Variants in GDAP2 observed in about 807,000 individuals in gnomAD.
The protein encoded by GDAP2 is ganglioside induced differentiation associated protein 2.
GDAP2 carries 51 observed loss-of-function variants against 67.0 expected under a neutral mutation model. The observed-to-expected ratio is 0.76, with a 90% CI of 0.61 to 0.96. GDAP2 has a LOEUF of 0.96. Among genes scored for constraint, GDAP2 ranks in the 40% least tolerant of loss-of-function variants. GDAP2 has a pLI of 0.00. For missense variants in GDAP2, 547 were observed against 588.3 expected (o/e 0.93, Z 0.73); for synonymous variants, 203 against 207.3 (o/e 0.98, Z 0.18).
rs776273058 is a variant in GDAP2, at chr1:117,881,912, A to G, written c.1248-35T>C. Reference sequence around the variant, plus strand: ...AAATAAAATGACAAAAAAAATCAGTATAAGTTCATGCCTAAAACCAATTAC... The same window carrying G: ...AAATAAAATGACAAAAAAAATCAGTGTAAGTTCATGCCTAAAACCAATTAC... On this transcript the variant is annotated intron_variant, in intron 11 of 13. Coordinates refer to ENST00000369443, the MANE Select transcript of GDAP2 (RefSeq NM_017686.4). 30 of 1,194,510 alleles carry G rather than the reference A, an allele frequency of 2.5e-5. No homozygotes were observed. In the East Asian group the frequency reaches 2.6e-4, roughly 10 times the overall value. 74.0% of individuals were successfully genotyped at this position (1,194,510 alleles called of 1,614,324 possible). A position where few individuals can be genotyped will look rare whatever the true frequency, so the allele number is the denominator to read the frequency against.
chr1:117,884,813 CGTGTGTGT>C (rs35296112), intron 10 of GDAP2, among the ~76,000 whole-genome samples: 15 of 147,858 alleles, frequency 1.0e-4, no homozygotes, highest in African/African-American at 3.5e-4. Flanking sequence ...TTATTCCCTC[CGTGTGTGT>C]GTGTGTGTGT....
chr1:117,885,998 C>G (rs1257007777), intron 10 of GDAP2, among the ~76,000 whole-genome samples: 1 of 152,108 alleles, frequency 6.6e-6, no homozygotes, highest in Non-Finnish European at 1.5e-5. Context: ...GGTGTGATCA[C>G]TTTTATAGTT....
chr1:117,909,691 T>C (rs1377379512), intron 5 of GDAP2, among the ~76,000 whole-genome samples: 3 of 152,220 alleles, frequency 2.0e-5, no homozygotes, highest in African/African-American at 7.2e-5. Flanking sequence ...TTAAGAGCTG[T>C]ACATTTCCTT....
Position 117,869,627 on chromosome 1 carries a change from A to G in GDAP2, c.*942T>C, listed in dbSNP as rs1185030677. ...GAGTGGTAAAAGTGGTCTTTTGCCAATTATCAGCTCCCTGGATTTGTTCAC... is the reference window on the plus strand; with the variant it reads ...GAGTGGTAAAAGTGGTCTTTTGCCAGTTATCAGCTCCCTGGATTTGTTCAC... On this transcript the variant is annotated 3_prime_UTR_variant, in exon 14 of 14. Transcript: ENST00000369443. 1 of 152,690 alleles carries G rather than the reference A, an allele frequency of 6.5e-6. No homozygotes were observed. Among genetic ancestry groups the G allele is most frequent in the African/African-American group, 2.4e-5 (1 of 41,468 alleles). The allele number at this position is 152,690 out of a possible 1,614,324, so 9.5% of individuals were successfully genotyped here.
Position 117,920,364 on chromosome 1 carries a change from G to A in GDAP2, c.-7C>T. The A allele has an allele frequency of 6.4e-7, 1 of 1,574,344 alleles. No homozygotes were observed. Among genetic ancestry groups the A allele is most frequent in the Non-Finnish European group, 8.6e-7 (1 of 1,159,874 alleles). ...GTGCACCTAAGGGATCCATGGAATG[G>A]GAACTTTGATTTGTCTTTTCCCAAA... On this transcript the variant is annotated 5_prime_UTR_variant, in exon 2 of 14. Coordinates refer to ENST00000369443, the MANE Select transcript of GDAP2 (RefSeq NM_017686.4).
At chr1:117,917,216 T>C (rs909141860) in intron 3 of GDAP2, among the ~76,000 whole-genome samples, 1 of 152,174 alleles carries the variant, frequency 6.6e-6, no homozygotes, top group African/African-American at 2.4e-5. Flanking sequence ...TGAAAATCTT[T>C]AGTCTATCAT....
At position 117,867,185 on chromosome 1, in the gene GDAP2, T is replaced by C. The variant is rs1238663080; in HGVS notation, c.*3384A>G. The C allele has an allele frequency of 1.3e-5, 2 of 152,094 alleles. No individual in the cohort carries two copies. Among genetic ancestry groups the C allele is most frequent in the Non-Finnish European group, 2.9e-5 (2 of 68,010 alleles). 9.4% of individuals were successfully genotyped at this position (152,094 alleles called of 1,614,324 possible). ...AGACTAAACCTACAGTTTGAATTCA[T>C]TAAACAATATCCAAGCAAACAGAAA... On this transcript the variant is annotated 3_prime_UTR_variant, in exon 14 of 14. Coordinates refer to ENST00000369443, the MANE Select transcript of GDAP2 (RefSeq NM_017686.4).
chr1:117,922,836 C>T (rs1182144634), intron 1 of GDAP2, among the ~76,000 whole-genome samples: 1 of 152,216 alleles, frequency 6.6e-6, no homozygotes, highest in Middle Eastern at 3.2e-3. Flanking sequence ...ACCGGTCTGA[C>T]TAGAATTCGC....
At chr1:117,880,843 A>G (rs1201908651) in intron 12 of GDAP2, among the ~76,000 whole-genome samples, 1 of 152,232 alleles carries the variant, frequency 6.6e-6, no homozygotes, top group African/African-American at 2.4e-5. Context: ...GAACTGGCAG[A>G]TAGCAAGTGC....
chr1:117,899,412 G>C (rs1239937540), intron 6 of GDAP2, among the ~76,000 whole-genome samples, 196 bp from the exon 7 acceptor site: 1 of 152,156 alleles, frequency 6.6e-6, no homozygotes, highest in Non-Finnish European at 1.5e-5. Context: ...TTGTTATCTA[G>C]CCAAGTTAAA....
chr1:117,902,312 C>T (rs1649507064), intron 6 of GDAP2, among the ~76,000 whole-genome samples: 2 of 152,102 alleles, frequency 1.3e-5, no homozygotes, highest in Non-Finnish European at 2.9e-5. Context: ...TGTAAGAGTG[C>T]CTAATTTATC....
rs189755055 is a variant in GDAP2, at chr1:117,880,542, T to C, written c.1302+1281A>G. On this transcript the variant is annotated intron_variant, in intron 12 of 13. Coordinates refer to ENST00000369443, the MANE Select transcript of GDAP2 (RefSeq NM_017686.4). ...GGTCGTAAAGTGGAGGAGAGAAAAA[T>C]AGATCTTAGCATTTTTAAAAGTTGG... 6.4e-4 allele frequency among the ~76,000 whole-genome samples: 98 copies of C among 152,134 alleles called. 1 individual carries two copies. The highest frequency in any genetic ancestry group is 1.1e-3 in the Non-Finnish European group (78 of 67,998).
At chr1:117,877,594 A>C in intron 13 of GDAP2, 1 of 984,782 alleles carries the variant, frequency 1.0e-6, no homozygotes, top group Non-Finnish European at 1.2e-6. Flanking sequence ...AACTTTTAGC[A>C]GGGTAAAGAC....
chr1:117,888,635 C>T (rs552340855), intron 8 of GDAP2, among the ~76,000 whole-genome samples: 96 of 152,204 alleles, frequency 6.3e-4, no homozygotes, highest in African/African-American at 2.2e-3. Flanking sequence ...ATTGTGAAAA[C>T]GCTTTCAAGA....
Position 117,911,975 on chromosome 1 carries a change from C to T in GDAP2, c.559+19G>A, listed in dbSNP as rs772360576. 22 of 1,353,278 alleles carry T rather than the reference C, an allele frequency of 1.6e-5. No individual in the cohort carries two copies. In the Admixed American group the frequency reaches 3.7e-4, roughly 23 times the overall value. 83.8% of individuals were successfully genotyped at this position (1,353,278 alleles called of 1,614,324 possible). On this transcript the variant is annotated intron_variant, in intron 5 of 13. Coordinates refer to ENST00000369443, the MANE Select transcript of GDAP2 (RefSeq NM_017686.4). Reference sequence around the variant, plus strand: ...TTTTTAAGATTCAATTCATGTACAGCATCTCTGATATTACTTACGAAGTGC... The same window carrying T: ...TTTTTAAGATTCAATTCATGTACAGTATCTCTGATATTACTTACGAAGTGC...
chr1:117,889,314 A>AT (rs139433939), intron 8 of GDAP2, among the ~76,000 whole-genome samples: 73 of 150,852 alleles, frequency 4.8e-4, no homozygotes, highest in Admixed American at 1.2e-3. Flanking sequence ...CATATTTATC[A>AT]TTTTTTTTTG....
chr1:117,887,766 C>A lies in GDAP2; in HGVS notation c.962G>T (p.Arg321Leu), dbSNP rs370788372. The change falls in exon 9 of 14, where the codon CGC becomes CTC. Residue 321 changes from arginine to leucine, a missense_variant. Coordinates refer to ENST00000369443, the MANE Select transcript of GDAP2 (RefSeq NM_017686.4). ...CTCAGATCTTGCTTGACATAACCAG[C>A]GATTATAACTAGGGAAATAAATGAT... ...LQKQHQRNYN[R>L]WLCQARSEDL... The A allele has an allele frequency of 1.3e-5, 20 of 1,535,942 alleles. No homozygotes were observed. The highest frequency in any genetic ancestry group is 1.7e-5 in the Non-Finnish European group (19 of 1,110,274).
intron 10 of GDAP2, among the ~76,000 whole-genome samples, chr1:117,885,493 C>T (rs1187502119): frequency 6.6e-6 from 1 of 152,158 alleles, no homozygotes; most frequent in African/African-American, 2.4e-5. Context: ...AAACACTTCT[C>T]TACAGTACTT....
chr1:117,879,256 C>T (rs1451801089), intron 12 of GDAP2, among the ~76,000 whole-genome samples: 1 of 152,160 alleles, frequency 6.6e-6, no homozygotes, highest in African/African-American at 2.4e-5. Context: ...ACAGAAAGTG[C>T]TCCAGAATGC....
Sources: allele counts gnomAD v4.1 joint callset (sites outside exome capture counted in the v4.1 genomes callset), GRCh38; gene constraint gnomAD v4.1.1; transcripts MANE v1.5; gene names NCBI Gene and HGNC (gene_info 2026-07-23, HGNC 2026-07-21).